The following NEXMIF variants were observed in gnomAD, a reference collection of about 807,000 sequenced individuals.
NEXMIF encodes the protein XLMR protein related to neurite extension.
A neutral mutation model predicts 62.1 loss-of-function variants in NEXMIF; 8 were observed. The observed-to-expected ratio is 0.13, with a 90% confidence interval of 0.08 to 0.23. The LOEUF (loss-of-function observed/expected upper bound fraction) is 0.23, where lower values mean the gene tolerates loss of function less well. Among genes scored for constraint, NEXMIF ranks in the 10% least tolerant of loss-of-function variants. The pLI, the probability that NEXMIF is intolerant of heterozygous loss-of-function variation, is 1.00. For synonymous variants in NEXMIF, 404 were observed against 416.6 expected (o/e 0.97, Z 0.37); for missense variants, 976 against 1,113.3 (o/e 0.88, Z 1.75).
chrX:74,816,673 G>A (rs1436505363), intron 1 of NEXMIF, among the ~76,000 whole-genome samples: 1 of 111,500 alleles, frequency 9.0e-6, no homozygotes, highest in African/African-American at 3.3e-5. Context: ...CCTTCACATG[G>A]CATGACTTCC....
At chrX:74,870,249 G>T (rs2488709) in intron 1 of NEXMIF, among the ~76,000 whole-genome samples, 36,188 of 109,807 alleles carry the variant, frequency 0.33, 7,975 homozygotes, top group East Asian at 0.93. Context: ...TAAACGGTGC[G>T]GGGAAACTGG....
intron 1 of NEXMIF, among the ~76,000 whole-genome samples, chrX:74,882,158 T>A (rs1480166156): frequency 1.8e-5 from 2 of 111,584 alleles, no homozygotes; most frequent in Non-Finnish European, 3.8e-5. Context: ...AAAGAAAATG[T>A]GGTGGGGTGG....
chrX:74,906,098 T>C (rs139014515), intron 1 of NEXMIF, among the ~76,000 whole-genome samples: 1,138 of 108,940 alleles, frequency 0.01, 16 homozygotes, highest in African/African-American at 0.035. Flanking sequence ...GACGAGACTC[T>C]GTCTCTACAC....
chrX:74,910,599 C>T (rs371564497), intron 1 of NEXMIF, among the ~76,000 whole-genome samples: 3 of 111,115 alleles, frequency 2.7e-5, no homozygotes, highest in African/African-American at 6.6e-5. Context: ...GTTGGGAAGG[C>T]GTGTTTGGTT....
intron 1 of NEXMIF, among the ~76,000 whole-genome samples, chrX:74,889,807 G>T (rs2080711055): frequency 9.0e-6 from 1 of 111,570 alleles, no homozygotes; most frequent in East Asian, 2.8e-4. Flanking sequence ...ACATCTCAGA[G>T]ATAGCTTAAT....
rs1260707468 is a variant in NEXMIF, at chrX:74,796,141, TA to T, written c.-47-50445del. On this transcript the variant is annotated intron_variant, in intron 1 of 3. Coordinates refer to ENST00000055682, the MANE Select transcript of NEXMIF (RefSeq NM_001008537.3). Reference sequence around the variant, plus strand: ...TATATATATTTATATATAATATATATATTATATATATACATATATATTATAT... The same window carrying T: ...TATATATATTTATATATAATATATATTTATATATATACATATATATTATAT... 7.0e-3 allele frequency among the ~76,000 whole-genome samples: 536 copies of T among 76,578 alleles called. 6 individuals carry two copies. The highest frequency in any genetic ancestry group is 0.011 in the Non-Finnish European group (460 of 42,950). 66.5% of individuals were successfully genotyped at this position (76,578 alleles called of 115,157 possible).
chrX:74,919,754 T>C (rs1397400772), intron 1 of NEXMIF, among the ~76,000 whole-genome samples: 1 of 110,968 alleles, frequency 9.0e-6, no homozygotes, highest in Non-Finnish European at 1.9e-5. Context: ...TAGGTATATC[T>C]CCTAATGCTA....
At chrX:74,900,914 C>A (rs1055804752) in intron 1 of NEXMIF, among the ~76,000 whole-genome samples, 1 of 112,164 alleles carries the variant, frequency 8.9e-6, no homozygotes, top group Non-Finnish European at 1.9e-5. Flanking sequence ...AAGACAAATA[C>A]TGTATGATTC....
chrX:74,867,087 C>T (rs1015781417), intron 1 of NEXMIF, among the ~76,000 whole-genome samples: 18 of 111,415 alleles, frequency 1.6e-4, no homozygotes, highest in African/African-American at 5.6e-4. Flanking sequence ...AAGTGAAGGA[C>T]CTCTTCAAGG....
chrX:74,748,199 T>C (rs1464958083), intron 1 of NEXMIF, among the ~76,000 whole-genome samples: 9 of 111,988 alleles, frequency 8.0e-5, no homozygotes, highest in Non-Finnish European at 1.1e-4. Context: ...TATTAGAGTC[T>C]ATAACTTTTT....
chrX:74,874,252 C>A (rs1446803797), intron 1 of NEXMIF, among the ~76,000 whole-genome samples: 3 of 108,573 alleles, frequency 2.8e-5, no homozygotes, highest in Non-Finnish European at 5.7e-5. Context: ...AATAGGGAAT[C>A]CTTTCCCCAT....
rs1276495540 is a variant in NEXMIF, at chrX:74,741,903, T to G, written c.2654A>C (p.Tyr885Ser). 2.5e-6 allele frequency: 3 copies of G among 1,211,923 alleles called. No individual in the cohort carries two copies. Among genetic ancestry groups the G allele is most frequent in the Non-Finnish European group, 3.3e-6 (3 of 895,542 alleles). The change falls in exon 3 of 4, where the codon TAT becomes TCT. Residue 885 changes from tyrosine to serine, a missense_variant. Coordinates refer to ENST00000055682, the MANE Select transcript of NEXMIF (RefSeq NM_001008537.3). ...AGCCTTGTTGGGCCACACATTTCTA[T>G]AGTTGCTTGATTCCATTTTGAAGTT... Reference protein sequence around the residue: ...SHNFKMESSNYRNVWPNKATS... With the variant: ...SHNFKMESSNSRNVWPNKATS...
Position 74,745,693 on chromosome X carries a change from C to T in NEXMIF, c.-43G>A. ...GTTTCATTCCAAGTCCAAATGCTGT[C>T]CAACCTGCACATTTCAAATATATAA... On this transcript the variant is annotated 5_prime_UTR_variant, in exon 2 of 4. Coordinates refer to ENST00000055682, the MANE Select transcript of NEXMIF (RefSeq NM_001008537.3). 1 of 782,728 alleles carries T rather than the reference C, an allele frequency of 1.3e-6. No homozygotes were observed. Among genetic ancestry groups the T allele is most frequent in the Non-Finnish European group, 2.0e-6 (1 of 509,294 alleles). 64.5% of individuals were successfully genotyped at this position (782,728 alleles called of 1,213,427 possible). A position where few individuals can be genotyped will look rare whatever the true frequency, so the allele number is the denominator to read the frequency against.
At chrX:74,827,109 C>T (rs2080420921) in intron 1 of NEXMIF, among the ~76,000 whole-genome samples, 1 of 112,410 alleles carries the variant, frequency 8.9e-6, no homozygotes, top group Non-Finnish European at 1.9e-5. Context: ...TCTAGCTTTT[C>T]CCTTTCACTG....
At chrX:74,894,766 A>G (rs1045599230) in intron 1 of NEXMIF, among the ~76,000 whole-genome samples, 5 of 112,732 alleles carry the variant, frequency 4.4e-5, no homozygotes, top group Admixed American at 9.4e-5. Flanking sequence ...ATGCTGAAAA[A>G]GCATTTGATA....
At chrX:74,756,387 G>T (rs1032199837) in intron 1 of NEXMIF, among the ~76,000 whole-genome samples, 1 of 111,910 alleles carries the variant, frequency 8.9e-6, no homozygotes, top group Non-Finnish European at 1.9e-5. Flanking sequence ...ATTCAACAGA[G>T]GAAAGGAAAA....
At chrX:74,883,529 T>C (rs1230936566) in intron 1 of NEXMIF, among the ~76,000 whole-genome samples, 1 of 111,496 alleles carries the variant, frequency 9.0e-6, no homozygotes, top group African/African-American at 3.3e-5. Context: ...TGCAATCAAC[T>C]GAAAGAAAGG....
rs142318614 is a variant in NEXMIF at position 74,744,200 on chromosome X, C to T, written c.357G>A (p.Glu119=). Reference sequence around the variant, plus strand: ...GCTCCATTATGGCAAATGGAGCTTTCTCACATTCATTGGGAAGTGACCATG... The same window carrying T: ...GCTCCATTATGGCAAATGGAGCTTTTTCACATTCATTGGGAAGTGACCATG... The part of the protein sequence containing the change: ...LNTWSLPNEC[E]KAPFAIMEPA... Residue 119 remains glutamate (E), a synonymous_variant, in exon 3 of 4, where the codon GAG becomes GAA. Transcript: ENST00000055682. 21 of 1,209,595 alleles carry T rather than the reference C, an allele frequency of 1.7e-5. No individual in the cohort carries two copies. In the African/African-American group the frequency reaches 3.3e-4, roughly 19 times the overall value.
intron 1 of NEXMIF, among the ~76,000 whole-genome samples, chrX:74,796,156 TATA>T: frequency 1.8e-5 from 1 of 54,873 alleles, no homozygotes; most frequent in Non-Finnish European, 3.6e-5. Flanking sequence ...TATATATACA[TATA>T]TATTATATAT....
Sources: gnomAD v4.1 joint callset for allele counts (sites outside exome capture counted in the v4.1 genomes callset) on GRCh38, gnomAD v4.1.1 for gene constraint, MANE v1.5 for transcripts, NCBI Gene and HGNC (gene_info 2026-07-23, HGNC 2026-07-21) for gene names.